DNAJC16: variants seen among roughly 807,000 people sequenced by gnomAD.
DNAJC16 encodes the protein DnaJ heat shock protein family (Hsp40) member C16.
A neutral mutation model predicts 92.7 loss-of-function variants in DNAJC16; 76 were observed. The ratio of observed to expected loss-of-function variants is 0.82; its 90% CI spans 0.68 to 0.99. The LOEUF (loss-of-function observed/expected upper bound fraction) is 0.99. Among genes scored for constraint, DNAJC16 ranks in the 50% least tolerant of loss-of-function variants. DNAJC16 has a pLI of 0.00. For missense variants in DNAJC16, 869 were observed against 942.4 expected, an observed-to-expected ratio of 0.92 and a Z score of 1.02; for synonymous variants, 328 against 358.7, an observed-to-expected ratio of 0.91 and a Z score of 0.97.
At chr1:15,549,612 A>G (rs1320158990) in intron 7 of DNAJC16, among the ~76,000 whole-genome samples, 1 of 151,930 alleles carries the variant, frequency 6.6e-6, no homozygotes, top group East Asian at 1.9e-4. Context: ...CAGGAGATTG[A>G]GACCATCCTG....
Position 15,555,406 on chromosome 1 carries a change from C to T in DNAJC16, c.1024-4120C>T, listed in dbSNP as rs568657935. Among the ~76,000 whole-genome samples, 40 of 150,154 alleles carry T rather than the reference C, an allele frequency of 2.7e-4. 1 individual carries two copies. The highest frequency in any genetic ancestry group is 1.3e-3 in the Admixed American group (19 of 15,062). On this transcript the variant is annotated intron_variant, in intron 7 of 14. Transcript: ENST00000375847. ...ATCTCAAAAAAAAAAAAAAAGAGGC[C>T]GGGTGCGGTGGCTCACGCCTGTAAT... is the stretch of plus-strand genomic sequence containing the variant.
chr1:15,537,711 C>T (rs1001797614), intron 4 of DNAJC16, among the ~76,000 whole-genome samples: 1 of 151,996 alleles, frequency 6.6e-6, no homozygotes, highest in Non-Finnish European at 1.5e-5. Context: ...ATTTTTGTCC[C>T]CAGAGCAACT....
intron 2 of DNAJC16, among the ~76,000 whole-genome samples, chr1:15,531,032 TA>T (rs1710646851): frequency 6.6e-6 from 1 of 152,344 alleles, no homozygotes; most frequent in East Asian, 1.9e-4. Flanking sequence ...TTAGAGTTGG[TA>T]AATCTGTGGT....
intron 1 of DNAJC16, among the ~76,000 whole-genome samples, chr1:15,527,627 G>C (rs1192579240): frequency 6.6e-6 from 1 of 152,162 alleles, no homozygotes; most frequent in African/African-American, 2.4e-5. Flanking sequence ...GCCTTCACGT[G>C]TTTTCTAGGA....
chr1:15,546,753 A>G lies in DNAJC16; in HGVS notation c.760-14A>G. ...AATTAAATATTGAGACTAACATTCTATTTTCAATTTAAGGTTACAAATAAA... is the reference window on the plus strand; with the variant it reads ...AATTAAATATTGAGACTAACATTCTGTTTTCAATTTAAGGTTACAAATAAA... On this transcript the variant is annotated splice_polypyrimidine_tract_variant and intron_variant, in intron 5 of 14. Coordinates refer to ENST00000375847, the MANE Select transcript of DNAJC16 (RefSeq NM_015291.4). 1 of 1,587,804 alleles carries G rather than the reference A, an allele frequency of 6.3e-7. No individual in the cohort carries two copies. Among genetic ancestry groups the G allele is most frequent in the Non-Finnish European group, 8.6e-7 (1 of 1,157,978 alleles).
chr1:15,556,522 C>A (rs1638576744), intron 7 of DNAJC16, among the ~76,000 whole-genome samples: 1 of 152,234 alleles, frequency 6.6e-6, no homozygotes, highest in African/African-American at 2.4e-5. Flanking sequence ...CCGCGCCCAG[C>A]CTTGATTTTG....
At chr1:15,565,782 GA>G (rs139308799) in intron 11 of DNAJC16, 136 bp from the exon 12 acceptor site, 23,278 of 821,570 alleles carry the variant, frequency 0.028, 655 homozygotes, top group African/African-American at 0.12. Context: ...CACCCGCCAA[GA>G]AAAGCTCTGT....
Position 15,567,855 on chromosome 1 carries a change from A to G in DNAJC16, c.2027A>G (p.Gln676Arg). 1 of 1,614,252 alleles carries G rather than the reference A, an allele frequency of 6.2e-7. No individual in the cohort carries two copies. The highest frequency in any genetic ancestry group is 8.5e-7 in the Non-Finnish European group (1 of 1,180,048). Residue 676 changes from glutamine (Q) to arginine (R), a missense_variant, in exon 15 of 15, where the codon CAA becomes CGA. By Grantham distance (43) the Gln-to-Arg change is conservative (BLOSUM62 1). Transcript: ENST00000375847. ...EWLEYLLEFA[Q>R]DAAPIPNQYD... ...CTAGAATACTTACTAGAATTTGCTC[A>G]AGATGCAGCTCCAATCCCAAACCAA...
intron 1 of DNAJC16, among the ~76,000 whole-genome samples, chr1:15,527,928 A>G (rs765105738): frequency 5.9e-5 from 9 of 152,362 alleles, no homozygotes; most frequent in Non-Finnish European, 8.8e-5. Flanking sequence ...ATTGTGGAGT[A>G]TAAATATCTG....
intron 7 of DNAJC16, among the ~76,000 whole-genome samples, chr1:15,551,601 GTT>G (rs67556735): frequency 1.3e-3 from 188 of 142,584 alleles, no homozygotes; most frequent in African/African-American, 3.4e-3. Flanking sequence ...AAGTGATGTG[GTT>G]TTTTTTTTTT....
intron 2 of DNAJC16, among the ~76,000 whole-genome samples, 176 bp downstream of exon 2, chr1:15,529,448 A>C (rs1048358139): frequency 1.3e-5 from 2 of 152,192 alleles, no homozygotes; most frequent in African/African-American, 4.8e-5. Context: ...TAGCGATAAG[A>C]TCCAAAGCCT....
At chr1:15,566,283 C>T (rs928757160) in intron 13 of DNAJC16, 103 bp downstream of exon 13, 1 of 901,858 alleles carries the variant, frequency 1.1e-6, no homozygotes, top group Non-Finnish European at 1.7e-6. Flanking sequence ...GAAGAACTCT[C>T]ATGCACCTCC....
intron 4 of DNAJC16, among the ~76,000 whole-genome samples, chr1:15,538,744 T>A (rs542829131): frequency 2.6e-5 from 4 of 152,286 alleles, no homozygotes; most frequent in South Asian, 2.1e-4. Flanking sequence ...CTAATTCCTA[T>A]CTTTTAAGGA....
chr1:15,569,502 G>A lies in DNAJC16; in HGVS notation c.*1325G>A, dbSNP rs1450503049. On this transcript the variant is annotated 3_prime_UTR_variant, in exon 15 of 15. Coordinates refer to ENST00000375847, the MANE Select transcript of DNAJC16 (RefSeq NM_015291.4). The stretch of plus-strand genomic sequence containing the variant: ...AGCATACCTTTTATTTTTCAGGGCA[G>A]AATGACCAGTGGTTCTGAGTTTGAG... The A allele has an allele frequency of 6.6e-6, 1 of 152,192 alleles. No homozygotes were observed. Among genetic ancestry groups the A allele is most frequent in the Non-Finnish European group, 1.5e-5 (1 of 68,044 alleles). The allele number at this position is 152,192 out of a possible 1,614,324, so 9.4% of individuals were successfully genotyped here.
rs780064643 is a variant in DNAJC16, at chr1:15,529,222, A to G, written c.117A>G (p.Thr39=). Residue 39 remains threonine (T), a synonymous_variant, in exon 2 of 15, where the codon ACA becomes ACG. Transcript: ENST00000375847. ...DPYRVLGVSR[T]ASQADIKKAY... ...ACAGAGTCCTAGGGGTCAGCCGAAC[A>G]GCCAGTCAGGCTGATATTAAAAAGG... 3.1e-6 allele frequency: 5 copies of G among 1,613,564 alleles called. No homozygotes were observed. In the Admixed American group the frequency reaches 8.3e-5, roughly 27 times the overall value.
chr1:15,561,794 G>A (rs1638698082), intron 8 of DNAJC16, among the ~76,000 whole-genome samples: 1 of 152,108 alleles, frequency 6.6e-6, no homozygotes, highest in Non-Finnish European at 1.5e-5. Flanking sequence ...TTGGGAGCCT[G>A]AGGTAGGAGG....
intron 7 of DNAJC16, among the ~76,000 whole-genome samples, chr1:15,550,955 C>T (rs1037106197): frequency 6.6e-6 from 1 of 152,174 alleles, no homozygotes; most frequent in Non-Finnish European, 1.5e-5. Flanking sequence ...CTGCAACCTC[C>T]GCCTCCCGGG....
intron 7 of DNAJC16, among the ~76,000 whole-genome samples, chr1:15,556,492 G>C (rs559742024): frequency 6.6e-6 from 1 of 152,146 alleles, no homozygotes; most frequent in Non-Finnish European, 1.5e-5. Flanking sequence ...CCACTGTGCT[G>C]GGATTATAGG....
At chr1:15,535,385 TC>T (rs1710755628) in intron 3 of DNAJC16, among the ~76,000 whole-genome samples, 1 of 152,236 alleles carries the variant, frequency 6.6e-6, no homozygotes, top group African/African-American at 2.4e-5. Context: ...AATATTTTAG[TC>T]TTGAATGTTC....
Sources: allele counts gnomAD v4.1 joint callset (sites outside exome capture counted in the v4.1 genomes callset), GRCh38; gene constraint gnomAD v4.1.1; transcripts MANE v1.5; gene names NCBI Gene and HGNC (gene_info 2026-07-23, HGNC 2026-07-21).